ARHGEF9: variants seen among roughly 807,000 people sequenced by gnomAD.
The protein encoded by ARHGEF9 is rho guanine nucleotide exchange factor 9.
Under a neutral mutation model 41.3 loss-of-function variants are expected in ARHGEF9, and 2 were observed. The observed-to-expected ratio is 0.05, with a 90% CI of 0.02 to 0.15. The LOEUF (loss-of-function observed/expected upper bound fraction) is 0.15, where lower values mean the gene tolerates loss of function less well. ARHGEF9 is among the 10% of genes least tolerant of loss of function. ARHGEF9 has a pLI of 1.00. For missense variants in ARHGEF9, 225 were observed against 424.7 expected (o/e 0.53, Z 4.13); for synonymous variants, 160 against 154.4 (o/e 1.04, Z -0.27).
chrX:63,650,707 C>T (rs782253742), intron 8 of ARHGEF9, among the ~76,000 whole-genome samples: 2 of 110,402 alleles, frequency 1.8e-5, no homozygotes, highest in Non-Finnish European at 3.8e-5. Flanking sequence ...TCGCAATTAC[C>T]CTGATTTGAT....
chrX:63,670,981 T>C, intron 6 of ARHGEF9, among the ~76,000 whole-genome samples: 1 of 112,301 alleles, frequency 8.9e-6, no homozygotes, highest in Non-Finnish European at 1.9e-5. Flanking sequence ...CTCTGATCTA[T>C]TGAGCAGACA....
At chrX:63,713,734 C>CA (rs2053107225) in intron 2 of ARHGEF9, among the ~76,000 whole-genome samples, 2 of 89,432 alleles carry the variant, frequency 2.2e-5, no homozygotes, top group Admixed American at 2.3e-4. Flanking sequence ...ACACACACAC[C>CA]CAGTTTTGGA....
At chrX:63,705,739 G>C (rs2052496450) in intron 3 of ARHGEF9, among the ~76,000 whole-genome samples, 1 of 111,243 alleles carries the variant, frequency 9.0e-6, no homozygotes, top group African/African-American at 3.3e-5. Flanking sequence ...GAATCACCAG[G>C]GATGCTCATT....
At chrX:63,688,101 TA>T (rs1163276337) in intron 4 of ARHGEF9, among the ~76,000 whole-genome samples, 1 of 111,432 alleles carries the variant, frequency 9.0e-6, no homozygotes, top group Non-Finnish European at 1.9e-5. Flanking sequence ...AGGGAAATCT[TA>T]AAAGCAGCAA....
chrX:63,682,814 G>T (rs1298809380), intron 4 of ARHGEF9, among the ~76,000 whole-genome samples: 2 of 111,617 alleles, frequency 1.8e-5, no homozygotes, highest in Non-Finnish European at 3.8e-5. Flanking sequence ...CACAAATTAG[G>T]TATTAATATT....
At chrX:63,745,935 C>A (rs1230588328) in intron 1 of ARHGEF9, among the ~76,000 whole-genome samples, 1 of 112,082 alleles carries the variant, frequency 8.9e-6, no homozygotes, top group African/African-American at 3.2e-5. Context: ...CCATTTCAAC[C>A]AGACCATCTG....
intron 7 of ARHGEF9, among the ~76,000 whole-genome samples, chrX:63,664,877 G>A (rs2049427261): frequency 9.0e-6 from 1 of 111,601 alleles, no homozygotes; most frequent in African/African-American, 3.3e-5. Context: ...ACAGAGGACA[G>A]GGGGCTTAAA....
At chrX:63,773,169 C>CA (rs1483761369) in intron 1 of ARHGEF9, among the ~76,000 whole-genome samples, 3 of 111,870 alleles carry the variant, frequency 2.7e-5, no homozygotes, top group Non-Finnish European at 5.6e-5. Context: ...CACACAAACA[C>CA]AAAAAACAAA....
chrX:63,648,986 C>T (rs1220896121), intron 8 of ARHGEF9, among the ~76,000 whole-genome samples: 1 of 110,932 alleles, frequency 9.0e-6, no homozygotes, highest in African/African-American at 3.3e-5. Context: ...ACTTAGACTC[C>T]CACACAATAA....
intron 1 of ARHGEF9, among the ~76,000 whole-genome samples, chrX:63,771,107 G>A (rs1185750767): frequency 8.9e-6 from 1 of 112,048 alleles, no homozygotes; most frequent in African/African-American, 3.2e-5. Flanking sequence ...GTTTTAGCTT[G>A]CATTTCCCTG....
chrX:63,688,171 A>C (rs1556377687), intron 4 of ARHGEF9, among the ~76,000 whole-genome samples: 2 of 111,235 alleles, frequency 1.8e-5, no homozygotes, highest in African/African-American at 6.5e-5. Context: ...CAGAGTTTTC[A>C]GTGTAAGTCC....
At chrX:63,712,228 T>G (rs1254759098) in intron 2 of ARHGEF9, among the ~76,000 whole-genome samples, 1 of 112,099 alleles carries the variant, frequency 8.9e-6, no homozygotes, top group African/African-American at 3.2e-5. Flanking sequence ...CCTCAAAAAG[T>G]TAAGCATATA....
At chrX:63,768,655 A>C (rs1458177281) in intron 1 of ARHGEF9, among the ~76,000 whole-genome samples, 1 of 112,148 alleles carries the variant, frequency 8.9e-6, no homozygotes, top group African/African-American at 3.2e-5. Flanking sequence ...CCACATGTTA[A>C]GGGAGGGGAC....
chrX:63,756,934 A>C (rs2055943097), intron 1 of ARHGEF9, among the ~76,000 whole-genome samples: 1 of 111,900 alleles, frequency 8.9e-6, no homozygotes, highest in Admixed American at 9.5e-5. Flanking sequence ...ATAGGAAAAA[A>C]AACAACCAAC....
intron 1 of ARHGEF9, among the ~76,000 whole-genome samples, chrX:63,749,207 A>G (rs781833806): frequency 3.6e-5 from 4 of 111,749 alleles, no homozygotes; most frequent in Non-Finnish European, 7.5e-5. Context: ...ATGACTCCCA[A>G]ATCTCCTTTC....
intron 3 of ARHGEF9, chrX:63,701,621 T>C (rs1490639699): frequency 2.7e-5 from 3 of 111,935 alleles, no homozygotes; most frequent in African/African-American, 9.8e-5. Flanking sequence ...CTTCTTCCTC[T>C]CTTTGAGATA....
intron 2 of ARHGEF9, among the ~76,000 whole-genome samples, chrX:63,714,894 A>G (rs1215427090): frequency 1.2e-4 from 13 of 111,751 alleles, no homozygotes; most frequent in Middle Eastern, 4.6e-3. Flanking sequence ...CAAATTTCTT[A>G]TACCCCAAAT....
In ARHGEF9 at chrX:63,749,240, C is replaced by CT. The variant is rs374558728; in HGVS notation, c.31-24530dup. 5.2e-3 allele frequency among the ~76,000 whole-genome samples: 574 copies of CT among 110,076 alleles called. 1 individual carries two copies. The highest frequency in any genetic ancestry group is 9.2e-3 in the African/African-American group (279 of 30,296). On this transcript the variant is annotated intron_variant, in intron 1 of 9. Coordinates refer to ENST00000671741, the MANE Select transcript of ARHGEF9 (RefSeq NM_001353921.2). ...TTCTTTCTTTTGTTTCCTTTTCTTT[C>CT]TTTTTTTTTGGGACGGACTCTCGCT... is the stretch of plus-strand genomic sequence containing the variant.
intron 8 of ARHGEF9, among the ~76,000 whole-genome samples, chrX:63,648,196 G>C (rs2048261109): frequency 9.0e-6 from 1 of 111,563 alleles, no homozygotes; most frequent in African/African-American, 3.3e-5. Flanking sequence ...AGGGCAACCA[G>C]AGAGAAAGGT....
Sources: allele counts gnomAD v4.1 joint callset (sites outside exome capture counted in the v4.1 genomes callset), GRCh38; gene constraint gnomAD v4.1.1; transcripts MANE v1.5; gene names NCBI Gene and HGNC (gene_info 2026-07-23, HGNC 2026-07-21).